Variants in NUDT8 observed in about 807,000 individuals in gnomAD.
The protein encoded by NUDT8 is nudix hydrolase 8.
Under a neutral mutation model 12.5 loss-of-function variants are expected in NUDT8, and 14 were observed. The ratio of observed to expected loss-of-function variants is 1.12; its 90% CI spans 0.74 to 1.75. NUDT8 has a LOEUF of 1.75. Among genes scored for constraint, NUDT8 ranks in the 40% most tolerant of loss-of-function variants. The probability of loss-of-function intolerance (pLI) is 0.00; values close to 1 mark genes in which losing one functional copy is unlikely to be tolerated. For synonymous variants in NUDT8, 163 were observed against 156.2 expected (o/e 1.04, Z -0.33); for missense variants, 337 against 318.5 (o/e 1.06, Z -0.44).
At position 67,629,768 on chromosome 11, in the gene NUDT8, C is replaced by T. The variant is rs1007304515; in HGVS notation, c.144G>A (p.Leu48=). ...LCSVRGVPAL[L]YTLRSSRLTG... is the part of the protein sequence containing the mutation. Reference sequence around the variant, plus strand: ...TCAGGCGGCTGGACCGCAGCGTGTACAGCAGCGCCGGGACCCCACGCACTG... The same window carrying T: ...TCAGGCGGCTGGACCGCAGCGTGTATAGCAGCGCCGGGACCCCACGCACTG... The change falls in exon 1 of 4, where the codon CTG becomes CTA. Residue 48 remains leucine, a synonymous_variant. Transcript: ENST00000376693. The T allele has an allele frequency of 1.9e-6, 3 of 1,540,538 alleles. No individual in the cohort carries two copies. Among genetic ancestry groups the T allele is most frequent in the Non-Finnish European group, 2.6e-6 (3 of 1,151,694 alleles).
intron 1 of NUDT8, 109 bp from the exon 2 acceptor site, chr11:67,629,160 G>T: frequency 1.6e-6 from 2 of 1,231,388 alleles, no homozygotes; most frequent in Non-Finnish European, 2.2e-6. Flanking sequence ...GCCTGCCTCT[G>T]CCCCTAGTTT....
At chr11:67,629,076 C>G (rs371649269) in intron 1 of NUDT8, 25 bp from the exon 2 acceptor site, 11 of 1,590,768 alleles carry the variant, frequency 6.9e-6, no homozygotes, top group Non-Finnish European at 8.6e-6. Flanking sequence ...GGAGTCTGGT[C>G]CTTGGACTCT....
intron 1 of NUDT8, 126 bp downstream of exon 1, chr11:67,629,591 TC>T: frequency 2.2e-6 from 1 of 456,168 alleles, no homozygotes; most frequent in Non-Finnish European, 3.7e-6. Context: ...GGAGGGACTC[TC>T]CCCAGACCCA....
Position 67,628,927 on chromosome 11 carries a change from A to G in NUDT8, c.319T>C (p.Tyr107His). 1 of 1,609,778 alleles carries G rather than the reference A, an allele frequency of 6.2e-7. No individual in the cohort carries two copies. The highest frequency in any genetic ancestry group is 1.1e-5 in the South Asian group (1 of 90,738). The change falls in exon 2 of 4, where the codon TAT becomes CAT. Residue 107 changes from tyrosine to histidine, a missense_variant. By Grantham distance (83) the Tyr-to-His change is moderately conservative. Coordinates refer to ENST00000376693, the MANE Select transcript of NUDT8 (RefSeq NM_001243750.2). The part of the protein sequence containing the change: ...EHVWGLLRPV[Y>H]DPQKATVVPV... The stretch of plus-strand genomic sequence containing the variant: ...TCAGCCAAGTGGCTTACCGGATCAT[A>G]CACAGGCCGCAGCAGGCCCCACACG...
Position 67,629,792 on chromosome 11 carries a change from T to G in NUDT8, c.120A>C (p.Ser40=), listed in dbSNP as rs1226798208. The change falls in exon 1 of 4, where the codon TCA becomes TCC. Residue 40 remains serine, a synonymous_variant. Transcript: ENST00000376693. ...ASAAVLVPLC[S]VRGVPALLYT... ...ACAGCAGCGCCGGGACCCCACGCAC[T>G]GAGCAGAGCGGCACGAGCACCGCGG... 6.7e-7 allele frequency: 1 copy of G among 1,490,790 alleles called. No individual in the cohort carries two copies. The highest frequency in any genetic ancestry group is 8.9e-7 in the Non-Finnish European group (1 of 1,124,830). The allele number at this position is 1,490,790 out of a possible 1,614,324, so 92.3% of individuals were successfully genotyped here. A position where few individuals can be genotyped will look rare whatever the true frequency, so the allele number is the denominator to read the frequency against.
chr11:67,628,860 C>G (rs1855157150), intron 2 of NUDT8, 59 bp downstream of exon 2: 1 of 1,551,624 alleles, frequency 6.4e-7, no homozygotes, highest in Admixed American at 1.8e-5. Context: ...GGTAGCCCAG[C>G]TCCAGGGCAG....
At chr11:67,628,462 G>A (rs1855151244) in intron 2 of NUDT8, 62 bp from the exon 3 acceptor site, 11 of 1,446,958 alleles carry the variant, frequency 7.6e-6, no homozygotes, top group Non-Finnish European at 9.6e-6. Flanking sequence ...GGCTGGGGAG[G>A]GGAGTGTGAG....
chr11:67,628,467 T>A, intron 2 of NUDT8, 67 bp from the exon 3 acceptor site: 1 of 1,398,160 alleles, frequency 7.2e-7, no homozygotes, highest in South Asian at 1.2e-5. Context: ...GGGAGGGGAG[T>A]GTGAGAGGAA....
In NUDT8 at chr11:67,629,828, C is replaced by A; in HGVS notation, c.84G>T (p.Arg28=). ...LAGATARLRA[R]PASAAVLVPL... is the part of the protein sequence containing the mutation. ...GCACGAGCACCGCGGCCGACGCGGG[C>A]CGCGCGCGGAGCCGGGCCGTGGCCC... is the stretch of plus-strand genomic sequence containing the variant. Residue 28 remains arginine, a synonymous_variant, in exon 1 of 4, where the codon CGG becomes CGT. Coordinates refer to ENST00000376693, the MANE Select transcript of NUDT8 (RefSeq NM_001243750.2). 7.2e-7 allele frequency: 1 copy of A among 1,380,678 alleles called. No individual in the cohort carries two copies. Among genetic ancestry groups the A allele is most frequent in the Non-Finnish European group, 9.4e-7 (1 of 1,067,682 alleles). 85.5% of individuals were successfully genotyped at this position (1,380,678 alleles called of 1,614,324 possible).
In NUDT8 at chr11:67,629,400, T is replaced by C. The variant is rs555134118; in HGVS notation, c.194+318A>G. On this transcript the variant is annotated intron_variant, in intron 1 of 3. Transcript: ENST00000376693. Reference sequence around the variant, plus strand: ...GCCGGGCGGGGCCCGAACCTCTCCGTAGTCGCCGGCAGGGGGCGGCGTCCG... The same window carrying C: ...GCCGGGCGGGGCCCGAACCTCTCCGCAGTCGCCGGCAGGGGGCGGCGTCCG... 171 of 384,602 alleles carry C rather than the reference T, an allele frequency of 4.4e-4. 1 individual carries two copies. Among genetic ancestry groups the C allele is most frequent in the African/African-American group, 3.4e-3 (163 of 48,100 alleles). 23.8% of individuals were successfully genotyped at this position (384,602 alleles called of 1,614,324 possible). A position where few individuals can be genotyped will look rare whatever the true frequency, so the allele number is the denominator to read the frequency against.
chr11:67,629,893 A>C lies in NUDT8; in HGVS notation c.19T>G (p.Ser7Ala). 1.6e-6 allele frequency: 2 copies of C among 1,239,230 alleles called. No homozygotes were observed. Among genetic ancestry groups the C allele is most frequent in the Non-Finnish European group, 2.0e-6 (2 of 995,928 alleles). 76.8% of individuals were successfully genotyped at this position (1,239,230 alleles called of 1,614,324 possible). A position where few individuals can be genotyped will look rare whatever the true frequency, so the allele number is the denominator to read the frequency against. Residue 7 changes from serine to alanine, a missense_variant, in exon 1 of 4, where the codon TCG becomes GCG. Physicochemically the swap from Ser to Ala is moderately conservative, Grantham distance 99. Transcript: ENST00000376693. ...CGGCAGCGCAGCTCGCCCTCGGCCG[A>C]CAGGCAGTCGGGCAGCATGTCAAGT... MLPDCL[S>A]AEGELRCRRL...
rs769159278 is a variant in NUDT8, at chr11:67,629,766, T to G, written c.146A>C (p.Tyr49Ser). 13 of 1,541,290 alleles carry G rather than the reference T, an allele frequency of 8.4e-6. No individual in the cohort carries two copies. Among genetic ancestry groups the G allele is most frequent in the Admixed American group, 7.6e-5 (4 of 52,980 alleles). Reference protein sequence around the residue: ...CSVRGVPALLYTLRSSRLTGR... With the variant: ...CSVRGVPALLSTLRSSRLTGR... ...GGTCAGGCGGCTGGACCGCAGCGTG[T>G]ACAGCAGCGCCGGGACCCCACGCAC... Residue 49 changes from tyrosine (Y) to serine (S), a missense_variant, in exon 1 of 4, where the codon TAC (tyrosine) becomes TCC (serine). Coordinates refer to ENST00000376693, the MANE Select transcript of NUDT8 (RefSeq NM_001243750.2).
At position 67,628,360 on chromosome 11, in the gene NUDT8, G is replaced by C; in HGVS notation, c.368C>G (p.Pro123Arg). ...GGGCCTGAGGCTCTGGGGATCCAGT[G>C]GGCCTACACCAGCAAGCACTGGCAC... ...TVVPVLAGVG[P>R]LDPQSLRPNS... The change falls in exon 3 of 4, where the codon CCA (proline) becomes CGA (arginine). Residue 123 changes from proline (P) to arginine (R), a missense_variant. Physicochemically the swap from Pro to Arg is moderately radical, Grantham distance 103. Coordinates refer to ENST00000376693, the MANE Select transcript of NUDT8 (RefSeq NM_001243750.2). 3 of 1,613,928 alleles carry C rather than the reference G, an allele frequency of 1.9e-6. No homozygotes were observed. Among genetic ancestry groups the C allele is most frequent in the Non-Finnish European group, 2.5e-6 (3 of 1,179,996 alleles).
rs766871806 is a variant in NUDT8, at chr11:67,628,127, C to T, written c.530G>A (p.Arg177Gln). 1.7e-5 allele frequency: 27 copies of T among 1,599,258 alleles called. No individual in the cohort carries two copies. Among genetic ancestry groups the T allele is most frequent in the South Asian group, 6.6e-5 (6 of 91,092 alleles). The part of the protein sequence containing the change: ...TLPVFLHGPH[R>Q]VWGLTAVITE... Reference sequence around the variant, plus strand: ...GATGACAGCTGTGAGGCCCCAGACCCGGTGTGGTCCATGCAGGAAGACGGG... The same window carrying T: ...GATGACAGCTGTGAGGCCCCAGACCTGGTGTGGTCCATGCAGGAAGACGGG... The change falls in exon 4 of 4, where the codon CGG becomes CAG. Residue 177 changes from arginine (R) to glutamine (Q), a missense_variant. Transcript: ENST00000376693.
chr11:67,629,793 G>T lies in NUDT8; in HGVS notation c.119C>A (p.Ser40Ter). The change falls in exon 1 of 4, where the codon TCA (serine) becomes TAA (stop). Residue 40 changes from serine (S) to a stop codon, truncating the protein, a stop_gained. Coordinates refer to ENST00000376693, the MANE Select transcript of NUDT8 (RefSeq NM_001243750.2). LOFTEE classifies it high-confidence loss of function. Reference sequence around the variant, plus strand: ...CAGCAGCGCCGGGACCCCACGCACTGAGCAGAGCGGCACGAGCACCGCGGC... The same window carrying T: ...CAGCAGCGCCGGGACCCCACGCACTTAGCAGAGCGGCACGAGCACCGCGGC... The part of the protein sequence containing the change: ...ASAAVLVPLC[S>*]VRGVPALLYT... 1 of 1,490,156 alleles carries T rather than the reference G, an allele frequency of 6.7e-7. No individual in the cohort carries two copies. The highest frequency in any genetic ancestry group is 1.3e-5 in the South Asian group (1 of 77,526). The allele number at this position is 1,490,156 out of a possible 1,614,324, so 92.3% of individuals were successfully genotyped here.
chr11:67,628,401 C>T lies in NUDT8; in HGVS notation c.328-1G>A. 6.2e-7 allele frequency: 1 copy of T among 1,613,316 alleles called. No individual in the cohort carries two copies. Among genetic ancestry groups the T allele is most frequent in the Non-Finnish European group, 8.5e-7 (1 of 1,179,768 alleles). ...GCACTGGCACCACGGTGGCCTTTTG[C>T]TGGGGAAGAGGGCAGGTGGTCAGGG... is the stretch of plus-strand genomic sequence containing the variant. On this transcript the variant is annotated splice_acceptor_variant, in intron 2 of 3. Coordinates refer to ENST00000376693, the MANE Select transcript of NUDT8 (RefSeq NM_001243750.2). LOFTEE classifies it high-confidence loss of function.
chr11:67,629,740 C>A lies in NUDT8; in HGVS notation c.172G>T (p.Gly58Trp), dbSNP rs1260214645. 4 of 1,540,330 alleles carry A rather than the reference C, an allele frequency of 2.6e-6. No individual in the cohort carries two copies. In the South Asian group the frequency reaches 3.5e-5, roughly 14 times the overall value. Reference protein sequence around the residue: ...LYTLRSSRLTGRHKGDVSFPG... With the variant: ...LYTLRSSRLTWRHKGDVSFPG... ...TACCTGACGTCGCCCTTGTGCCTCC[C>A]GGTCAGGCGGCTGGACCGCAGCGTG... is the stretch of plus-strand genomic sequence containing the variant. The change falls in exon 1 of 4, where the codon GGG (glycine) becomes TGG (tryptophan). Residue 58 changes from glycine to tryptophan, a missense_variant. By Grantham distance (184) the Gly-to-Trp change is radical (BLOSUM62 -2). Coordinates refer to ENST00000376693, the MANE Select transcript of NUDT8 (RefSeq NM_001243750.2).
intron 3 of NUDT8, 23 bp downstream of exon 3, chr11:67,628,300 C>A (rs1163463528): frequency 2.5e-6 from 4 of 1,613,710 alleles, no homozygotes; most frequent in African/African-American, 2.7e-5. Context: ...AACAGCCCAA[C>A]CCCCTCATAT....
In NUDT8 at chr11:67,629,849, G is replaced by T; in HGVS notation, c.63C>A (p.Ala21=). Residue 21 remains alanine, a synonymous_variant, in exon 1 of 4, where the codon GCC becomes GCA. Coordinates refer to ENST00000376693, the MANE Select transcript of NUDT8 (RefSeq NM_001243750.2). Reference sequence around the variant, plus strand: ...CGGGCCGCGCGCGGAGCCGGGCCGTGGCCCCTGCCAGCAGCCGGCGGCAGC... The same window carrying T: ...CGGGCCGCGCGCGGAGCCGGGCCGTTGCCCCTGCCAGCAGCCGGCGGCAGC... ...ELRCRRLLAG[A]TARLRARPAS... 1 of 1,272,730 alleles carries T rather than the reference G, an allele frequency of 7.9e-7. No individual in the cohort carries two copies. Among genetic ancestry groups the T allele is most frequent in the Non-Finnish European group, 9.8e-7 (1 of 1,017,304 alleles). 78.8% of individuals were successfully genotyped at this position (1,272,730 alleles called of 1,614,324 possible).
Sources: gnomAD v4.1 joint callset for allele counts on GRCh38, gnomAD v4.1.1 for gene constraint, MANE v1.5 for transcripts, NCBI Gene and HGNC (gene_info 2026-07-23, HGNC 2026-07-21) for gene names.